Variants in B4GALT1 observed in about 807,000 individuals in gnomAD.
B4GALT1 encodes the protein N-acetyllactosamine synthase.
A neutral mutation model predicts 34.9 loss-of-function variants in B4GALT1; 16 were observed. The observed-to-expected ratio is 0.46, with a 90% CI of 0.31 to 0.70. The LOEUF (loss-of-function observed/expected upper bound fraction) is 0.70. Ranked by LOEUF, B4GALT1 falls within the 30% of genes least tolerant of loss-of-function variation. B4GALT1 has a pLI of 0.05. For synonymous variants in B4GALT1, 221 were observed against 218.1 expected (o/e 1.01, Z -0.12); for missense variants, 445 against 530.5 (o/e 0.84, Z 1.58).
chr9:33,116,521 CTT>C (rs577170197), intron 3 of B4GALT1, among the ~76,000 whole-genome samples: 18 of 107,276 alleles, frequency 1.7e-4, no homozygotes, highest in African/African-American at 6.2e-4. Flanking sequence ...CAAACCGGAT[CTT>C]TTTTTTTTTT....
the B4GALT1 span, among the ~76,000 whole-genome samples, chr9:33,181,260 AAAT>A: frequency 6.6e-6 from 1 of 152,086 alleles, no homozygotes; most frequent in Non-Finnish European, 1.5e-5. Flanking sequence ...TCTCTATTAA[AAAT>A]AAAAAAAATT....
At position 33,115,984 on chromosome 9, in the gene B4GALT1, C is replaced by T. The variant is rs1432908991; in HGVS notation, c.959+7G>A. 3 of 1,609,180 alleles carry T rather than the reference C, an allele frequency of 1.9e-6. No individual in the cohort carries two copies. Among genetic ancestry groups the T allele is most frequent in the East Asian group, 2.2e-5 (1 of 44,680 alleles). ...GAGGAGAAAGATATCTAAGTTATGACCATTACCTGTTAAAAATGTCATCAT... is the reference window on the plus strand; with the variant it reads ...GAGGAGAAAGATATCTAAGTTATGATCATTACCTGTTAAAAATGTCATCAT... On this transcript the variant is annotated splice_region_variant and intron_variant, in intron 4 of 5. Coordinates refer to ENST00000379731, the MANE Select transcript of B4GALT1 (RefSeq NM_001497.4).
chr9:33,130,794 A>G (rs1410235589), intron 2 of B4GALT1, among the ~76,000 whole-genome samples: 1 of 151,906 alleles, frequency 6.6e-6, no homozygotes, highest in Non-Finnish European at 1.5e-5. Flanking sequence ...AAGGAGTTCA[A>G]ACCAATAGGA....
At chr9:33,181,453 C>A in the B4GALT1 span, among the ~76,000 whole-genome samples, 9,307 of 151,154 alleles carry the variant, frequency 0.062, 419 homozygotes, top group African/African-American at 0.12. Flanking sequence ...CACACACACA[C>A]ACACACAAAC....
chr9:33,133,484 G>A (rs1002608573), intron 2 of B4GALT1, among the ~76,000 whole-genome samples: 25 of 152,156 alleles, frequency 1.6e-4, no homozygotes, highest in African/African-American at 6.0e-4. Context: ...GAATCTTGCC[G>A]TCATTGGTAT....
chr9:33,157,549 C>A (rs1840613790), intron 1 of B4GALT1, among the ~76,000 whole-genome samples: 1 of 152,150 alleles, frequency 6.6e-6, no homozygotes, highest in Non-Finnish European at 1.5e-5. Flanking sequence ...ATAAAAATGG[C>A]TGCATGCAAA....
intron 1 of B4GALT1, among the ~76,000 whole-genome samples, chr9:33,150,132 G>T (rs1438146557): frequency 8.9e-5 from 5 of 56,140 alleles, no homozygotes; most frequent in African/African-American, 6.3e-4. Flanking sequence ...GATATATATA[G>T]ATATAGATAT....
intron 2 of B4GALT1, among the ~76,000 whole-genome samples, 188 bp from the exon 3 acceptor site, chr9:33,120,794 T>C (rs1482958687): frequency 6.6e-6 from 1 of 152,172 alleles, no homozygotes; most frequent in African/African-American, 2.4e-5. Context: ...TCTAGAAATA[T>C]ATCCTGCAGA....
Position 33,130,772 on chromosome 9 carries a change from C to T in B4GALT1, c.648+4417G>A, listed in dbSNP as rs945577278. Among the ~76,000 whole-genome samples the T allele has an allele frequency of 2.6e-5, 4 of 151,878 alleles. No homozygotes were observed. In the East Asian group the frequency reaches 5.9e-4, roughly 22 times the overall value. Reference sequence around the variant, plus strand: ...ACCTGGCTCACTCCACTATCCATTACCCTCTGACTCCAAGGAGTTCAAACC... The same window carrying T: ...ACCTGGCTCACTCCACTATCCATTATCCTCTGACTCCAAGGAGTTCAAACC... On this transcript the variant is annotated intron_variant, in intron 2 of 5. Transcript: ENST00000379731.
intron 2 of B4GALT1, among the ~76,000 whole-genome samples, chr9:33,131,802 T>C (rs1005335613): frequency 6.6e-6 from 1 of 152,226 alleles, no homozygotes; most frequent in African/African-American, 2.4e-5. Flanking sequence ...CACAGGCAGT[T>C]CCTAATTTGT....
chr9:33,151,097 T>C (rs1415017811), intron 1 of B4GALT1, among the ~76,000 whole-genome samples: 1 of 152,052 alleles, frequency 6.6e-6, no homozygotes, highest in African/African-American at 2.4e-5. Context: ...CTAAGGCAGG[T>C]GTACAGTATT....
the B4GALT1 span, among the ~76,000 whole-genome samples, chr9:33,182,187 T>G: frequency 5.3e-5 from 8 of 152,186 alleles, no homozygotes; most frequent in Non-Finnish European, 1.0e-4. Context: ...TGGCATTCCT[T>G]GGCTTGTAGC....
At chr9:33,141,977 ATTTC>A (rs796746011) in intron 1 of B4GALT1, among the ~76,000 whole-genome samples, 163 of 151,838 alleles carry the variant, frequency 1.1e-3, no homozygotes, top group African/African-American at 3.7e-3. Context: ...GTAGGAAATG[ATTTC>A]TTTCTTTTTT....
At chr9:33,167,413 G>A, upstream of B4GALT1, 1 of 384,862 alleles carries the variant, frequency 2.6e-6, no homozygotes. Context: ...GGCCGGGCGC[G>A]GGGTTTTCTG....
chr9:33,157,121 TACACACACACAC>T (rs199541947), intron 1 of B4GALT1, among the ~76,000 whole-genome samples: 24 of 113,228 alleles, frequency 2.1e-4, no homozygotes, highest in Non-Finnish European at 3.2e-4. Flanking sequence ...CATAGGGAAC[TACACACACACAC>T]ACACACACAC....
intron 3 of B4GALT1, among the ~76,000 whole-genome samples, chr9:33,119,130 GCGATTA>G (rs1049356649): frequency 3.3e-5 from 5 of 152,140 alleles, no homozygotes; most frequent in African/African-American, 1.2e-4. Flanking sequence ...CCAAAGTGCT[GCGATTA>G]CAGGCACGAG....
At chr9:33,184,405 A>G in the B4GALT1 span, among the ~76,000 whole-genome samples, 2 of 152,160 alleles carry the variant, frequency 1.3e-5, no homozygotes, top group Non-Finnish European at 2.9e-5. Flanking sequence ...TACCCTCTTC[A>G]ACCACTATCC....
chr9:33,180,456 A>G, the B4GALT1 span, among the ~76,000 whole-genome samples: 1 of 152,236 alleles, frequency 6.6e-6, no homozygotes, highest in African/African-American at 2.4e-5. Flanking sequence ...GGCTGAAGGC[A>G]GCATCCTGGA....
chr9:33,134,578 C>T (rs1336189219), intron 2 of B4GALT1, among the ~76,000 whole-genome samples: 1 of 152,244 alleles, frequency 6.6e-6, no homozygotes, highest in Non-Finnish European at 1.5e-5. Context: ...CTTAGCATTA[C>T]TTTCCTAAGC....
Sources: allele counts gnomAD v4.1 joint callset (sites outside exome capture counted in the v4.1 genomes callset), GRCh38; gene constraint gnomAD v4.1.1; transcripts MANE v1.5; gene names NCBI Gene and HGNC (gene_info 2026-07-23, HGNC 2026-07-21).